Variants in BBS9 observed in about 807,000 individuals in gnomAD.
BBS9 encodes the protein protein PTHB1.
BBS9 carries 89 observed loss-of-function variants against 117.7 expected under a neutral mutation model. The ratio of observed to expected loss-of-function variants is 0.76; its 90% CI spans 0.64 to 0.90. The LOEUF (loss-of-function observed/expected upper bound fraction) is 0.90. Ranked by LOEUF, BBS9 falls within the 40% of genes least tolerant of loss-of-function variation. The pLI is 0.00. For synonymous variants in BBS9, 379 were observed against 370.9 expected (o/e 1.02, Z -0.25); for missense variants, 982 against 1,042.2 (o/e 0.94, Z 0.80).
chr7:33,195,216 G>T (rs959126454), intron 5 of BBS9, among the ~76,000 whole-genome samples: 2 of 152,078 alleles, frequency 1.3e-5, no homozygotes, highest in Non-Finnish European at 2.9e-5. Context: ...GCACATAGTG[G>T]GTGCTTAATT....
At chr7:33,184,461 G>A (rs1798534873) in intron 5 of BBS9, among the ~76,000 whole-genome samples, 1 of 152,180 alleles carries the variant, frequency 6.6e-6, no homozygotes, top group African/African-American at 2.4e-5. Context: ...ATTTTACTGA[G>A]AGGGGCCTCT....
chr7:33,613,467 T>A (rs1183690284), intron 21 of BBS9, among the ~76,000 whole-genome samples: 1 of 151,652 alleles, frequency 6.6e-6, no homozygotes, highest in Non-Finnish European at 1.5e-5. Context: ...GGTACAGGGG[T>A]TTTTCAGACT....
At chr7:33,554,999 G>A (rs912225446) in intron 21 of BBS9, among the ~76,000 whole-genome samples, 1 of 152,130 alleles carries the variant, frequency 6.6e-6, no homozygotes, top group Non-Finnish European at 1.5e-5. Flanking sequence ...GGGCAGGGGT[G>A]GGAGCTTACA....
At chr7:33,257,964 C>A (rs988670956) in intron 6 of BBS9, among the ~76,000 whole-genome samples, 3 of 152,088 alleles carry the variant, frequency 2.0e-5, no homozygotes, top group African/African-American at 7.2e-5. Context: ...ATGAAAATGA[C>A]CCTAGGCAAA....
intron 21 of BBS9, among the ~76,000 whole-genome samples, chr7:33,612,626 G>A (rs1277235912): frequency 6.6e-6 from 1 of 151,978 alleles, no homozygotes. Context: ...CAGTGGCACT[G>A]GCTCATGTCA....
chr7:33,578,240 C>G (rs1859277281), intron 21 of BBS9, among the ~76,000 whole-genome samples: 1 of 152,128 alleles, frequency 6.6e-6, no homozygotes, highest in Admixed American at 6.6e-5. Context: ...GTAGAGAAAA[C>G]TGAGTCTTAG....
intron 22 of BBS9, 86 bp from the exon 23 acceptor site, chr7:33,605,109 G>A (rs1295354449): frequency 6.8e-7 from 1 of 1,479,750 alleles, no homozygotes; most frequent in African/African-American, 1.4e-5. Flanking sequence ...CCTTAGCACT[G>A]GTGCAGCTGA....
At chr7:33,202,184 C>T (rs1485259461) in intron 5 of BBS9, among the ~76,000 whole-genome samples, 1 of 152,140 alleles carries the variant, frequency 6.6e-6, no homozygotes, top group Non-Finnish European at 1.5e-5. Context: ...ATTTCATTTT[C>T]ATTGCTGTCA....
intron 12 of BBS9, chr7:33,346,404 G>T: frequency 7.0e-6 from 2 of 284,584 alleles, no homozygotes; most frequent in African/African-American, 2.3e-5. Flanking sequence ...CTCTGGTGTT[G>T]TATTTATATA....
intron 20 of BBS9, among the ~76,000 whole-genome samples, chr7:33,530,972 T>C (rs1439733236): frequency 6.6e-6 from 1 of 152,058 alleles, no homozygotes; most frequent in African/African-American, 2.4e-5. Flanking sequence ...GGGCCAGACA[T>C]GGTGGCTCAT....
intron 2 of BBS9, 126 bp from the exon 3 acceptor site, chr7:33,152,575 G>A (rs1793503422): frequency 1.1e-6 from 1 of 884,946 alleles, no homozygotes; most frequent in African/African-American, 1.7e-5. Context: ...TGGCCTTTGT[G>A]TATAAAGCAA....
At chr7:33,233,492 T>G (rs1792878967) in intron 5 of BBS9, among the ~76,000 whole-genome samples, 1 of 152,170 alleles carries the variant, frequency 6.6e-6, no homozygotes, top group Admixed American at 6.6e-5. Flanking sequence ...TGTGTGATAC[T>G]TATTAAAGGA....
intron 5 of BBS9, among the ~76,000 whole-genome samples, chr7:33,206,970 AT>A (rs1035712576): frequency 1.3e-5 from 2 of 151,916 alleles, no homozygotes; most frequent in South Asian, 2.1e-4. Flanking sequence ...ATACCATTAA[AT>A]TTTTTTTCTC....
intron 1 of BBS9, among the ~76,000 whole-genome samples, chr7:33,132,913 G>A (rs1584048846): frequency 6.6e-6 from 1 of 152,022 alleles, no homozygotes; most frequent in East Asian, 1.9e-4. Flanking sequence ...ATTTGCTATT[G>A]TTCTTTTTTT....
intron 9 of BBS9, among the ~76,000 whole-genome samples, chr7:33,280,634 A>G (rs1164205583): frequency 6.6e-6 from 1 of 152,178 alleles, no homozygotes; most frequent in Non-Finnish European, 1.5e-5. Context: ...TTACTTTTGC[A>G]TATCACACTG....
chr7:33,514,585 G>A (rs1270224241), intron 20 of BBS9, among the ~76,000 whole-genome samples: 1 of 152,100 alleles, frequency 6.6e-6, no homozygotes, highest in Admixed American at 6.5e-5. Flanking sequence ...CTAGCTTTGG[G>A]TACTGTAAAT....
chr7:33,409,944 A>C (rs1830808685), intron 19 of BBS9, among the ~76,000 whole-genome samples: 1 of 151,764 alleles, frequency 6.6e-6, no homozygotes. Flanking sequence ...TTCCTATTTC[A>C]CCATGCCTTT....
chr7:33,562,726 C>A (rs1413244697), intron 21 of BBS9, among the ~76,000 whole-genome samples: 1 of 152,168 alleles, frequency 6.6e-6, no homozygotes, highest in Non-Finnish European at 1.5e-5. Context: ...GAGATCGAGA[C>A]CATCCTGGCC....
chr7:33,502,913 T>C (rs1414510635), intron 19 of BBS9, among the ~76,000 whole-genome samples: 1 of 152,218 alleles, frequency 6.6e-6, no homozygotes, highest in Non-Finnish European at 1.5e-5. Flanking sequence ...AAGAAAGCGC[T>C]GTTAAAACCA....
Sources: allele counts gnomAD v4.1 joint callset (sites outside exome capture counted in the v4.1 genomes callset), GRCh38; gene constraint gnomAD v4.1.1; transcripts MANE v1.5; gene names NCBI Gene and HGNC (gene_info 2026-07-23, HGNC 2026-07-21).